The following VAV3 variants were observed in gnomAD, a reference collection of about 807,000 sequenced individuals.
VAV3 encodes vav guanine nucleotide exchange factor 3.
Under a neutral mutation model 131.2 loss-of-function variants are expected in VAV3, and 94 were observed. That is an observed-to-expected ratio of 0.72 (90% CI 0.61 to 0.85). VAV3 has a LOEUF of 0.85. VAV3 is among the 40% of genes least tolerant of loss of function. VAV3 has a pLI of 0.00. For synonymous variants in VAV3, 349 were observed against 342.0 expected (o/e 1.02, Z -0.22); for missense variants, 939 against 1,002.7 (o/e 0.94, Z 0.86).
At chr1:107,773,303 CT>C (rs1177383704) in intron 4 of VAV3, among the ~76,000 whole-genome samples, 1 of 152,206 alleles carries the variant, frequency 6.6e-6, no homozygotes, top group Non-Finnish European at 1.5e-5. Context: ...CTGCCTCCCA[CT>C]TTTCATATTT....
chr1:107,756,073 T>C (rs1441089938), intron 11 of VAV3, among the ~76,000 whole-genome samples: 1 of 152,082 alleles, frequency 6.6e-6, no homozygotes, highest in Non-Finnish European at 1.5e-5. Flanking sequence ...AAAGGAGAGG[T>C]GAGGAACTAA....
At chr1:107,600,884 A>G (rs752568640) in intron 24 of VAV3, among the ~76,000 whole-genome samples, 25 of 152,088 alleles carry the variant, frequency 1.6e-4, no homozygotes, top group Non-Finnish European at 3.4e-4. Flanking sequence ...TACTTTTGCT[A>G]CTTTCAAAGT....
chr1:107,876,368 T>C (rs1670496398), intron 1 of VAV3, among the ~76,000 whole-genome samples: 1 of 152,092 alleles, frequency 6.6e-6, no homozygotes, highest in Admixed American at 6.6e-5. Flanking sequence ...AGACAGAATA[T>C]AGACTCCTGA....
intron 20 of VAV3, among the ~76,000 whole-genome samples, chr1:107,627,096 C>A (rs1435782635): frequency 1.3e-5 from 2 of 152,148 alleles, no homozygotes; most frequent in South Asian, 2.1e-4. Context: ...ACTAACTCCA[C>A]TCAGCTGCAC....
chr1:107,630,150 C>A (rs11800764), intron 20 of VAV3, among the ~76,000 whole-genome samples: 56,078 of 151,912 alleles, frequency 0.37, 10,772 homozygotes, highest in East Asian at 0.48. Context: ...ACCTTAATTA[C>A]AAAACTCAAA....
intron 1 of VAV3, among the ~76,000 whole-genome samples, chr1:107,934,793 T>A (rs1298226551): frequency 6.6e-6 from 1 of 152,212 alleles, no homozygotes; most frequent in Non-Finnish European, 1.5e-5. Flanking sequence ...GAACACACAC[T>A]CTGGGGAATT....
At position 107,814,678 on chromosome 1, in the gene VAV3, G is replaced by A. The variant is rs565562024; in HGVS notation, c.322-35186C>T. 8.5e-5 allele frequency among the ~76,000 whole-genome samples: 13 copies of A among 152,226 alleles called. No individual in the cohort carries two copies. In the East Asian group the frequency reaches 2.3e-3, roughly 27 times the overall value. Reference sequence around the variant, plus strand: ...TTGATTTGTTGCCTGTGCTTCTGATGTCTTAGCCATAAAATTTTTGCAAGA... The same window carrying A: ...TTGATTTGTTGCCTGTGCTTCTGATATCTTAGCCATAAAATTTTTGCAAGA... On this transcript the variant is annotated intron_variant, in intron 2 of 26. Coordinates refer to ENST00000370056, the MANE Select transcript of VAV3 (RefSeq NM_006113.5).
At chr1:107,875,846 G>C (rs1405923869) in intron 1 of VAV3, among the ~76,000 whole-genome samples, 1 of 152,176 alleles carries the variant, frequency 6.6e-6, no homozygotes, top group Non-Finnish European at 1.5e-5. Flanking sequence ...GAAGACCAGA[G>C]TGTGGTCACT....
intron 15 of VAV3, among the ~76,000 whole-genome samples, chr1:107,748,052 A>G (rs1467423792): frequency 6.6e-6 from 1 of 152,174 alleles, no homozygotes; most frequent in Non-Finnish European, 1.5e-5. Context: ...AATAACCTTG[A>G]GAATCTTTAT....
At chr1:107,653,171 G>C (rs1656300832) in intron 19 of VAV3, among the ~76,000 whole-genome samples, 1 of 151,406 alleles carries the variant, frequency 6.6e-6, no homozygotes, top group African/African-American at 2.4e-5. Context: ...ATGTGCAATT[G>C]GTATTTCTGA....
At chr1:107,831,390 G>A (rs559033136) in intron 2 of VAV3, among the ~76,000 whole-genome samples, 1 of 152,222 alleles carries the variant, frequency 6.6e-6, no homozygotes, top group African/African-American at 2.4e-5. Flanking sequence ...AATTGACAGG[G>A]AAATGCAAAA....
At chr1:107,847,004 T>A (rs1668999941) in intron 2 of VAV3, among the ~76,000 whole-genome samples, 4 of 152,098 alleles carry the variant, frequency 2.6e-5, no homozygotes, top group African/African-American at 9.7e-5. Context: ...TTATTCTAAA[T>A]TGACCACATA....
At chr1:107,817,101 T>C (rs779869065) in intron 2 of VAV3, among the ~76,000 whole-genome samples, 4 of 152,218 alleles carry the variant, frequency 2.6e-5, no homozygotes, top group Non-Finnish European at 5.9e-5. Context: ...GACATATTCA[T>C]GGCTCTTGCT....
chr1:107,948,778 G>A (rs903057854), intron 1 of VAV3, among the ~76,000 whole-genome samples: 2 of 152,046 alleles, frequency 1.3e-5, no homozygotes, highest in Admixed American at 1.3e-4. Flanking sequence ...CCCAGGAAGT[G>A]GAGGTTGCGG....
chr1:107,764,942 T>G (rs1664653125), intron 9 of VAV3, 134 bp downstream of exon 9: 1 of 612,448 alleles, frequency 1.6e-6, no homozygotes, highest in Non-Finnish European at 2.8e-6. Flanking sequence ...TAGAGCTGTT[T>G]AAATATTTTA....
At chr1:107,707,760 A>G (rs772228866) in intron 15 of VAV3, among the ~76,000 whole-genome samples, 2 of 152,210 alleles carry the variant, frequency 1.3e-5, no homozygotes, top group Non-Finnish European at 2.9e-5. Context: ...CTGAAGTACA[A>G]ACTGAGGAGA....
At chr1:107,675,810 A>C (rs888258592) in intron 19 of VAV3, among the ~76,000 whole-genome samples, 2 of 152,218 alleles carry the variant, frequency 1.3e-5, no homozygotes, top group Non-Finnish European at 2.9e-5. Flanking sequence ...CACTGTCTAA[A>C]AACAGTGAGG....
At chr1:107,750,537 G>A (rs1351032909) in intron 13 of VAV3, among the ~76,000 whole-genome samples, 3 of 152,114 alleles carry the variant, frequency 2.0e-5, no homozygotes, top group African/African-American at 7.2e-5. Flanking sequence ...ATGGAGCCAG[G>A]GTTATCGAGG....
At chr1:107,668,642 C>T (rs1657573046) in intron 19 of VAV3, 3 of 985,232 alleles carry the variant, frequency 3.0e-6, no homozygotes, top group Admixed American at 6.2e-5. Flanking sequence ...TCAACTTTTT[C>T]CTCATTGTAG....
Sources: allele counts gnomAD v4.1 joint callset (sites outside exome capture counted in the v4.1 genomes callset), GRCh38; gene constraint gnomAD v4.1.1; transcripts MANE v1.5; gene names NCBI Gene and HGNC (gene_info 2026-07-23, HGNC 2026-07-21).